ERICH3: variants seen among roughly 807,000 people sequenced by gnomAD.
ERICH3 encodes glutamate rich 3.
A neutral mutation model predicts 131.1 loss-of-function variants in ERICH3; 126 were observed. The ratio of observed to expected loss-of-function variants is 0.96; its 90% CI spans 0.83 to 1.11. ERICH3 has a LOEUF of 1.11. Among genes scored for constraint, ERICH3 ranks in the 50% most tolerant of loss-of-function variants. The pLI is 0.00. For synonymous variants in ERICH3, 695 were observed against 644.6 expected, an observed-to-expected ratio of 1.08 and a Z score of -1.18; for missense variants, 2,050 against 1,810.7, an observed-to-expected ratio of 1.13 and a Z score of -2.40.
intron 3 of ERICH3, among the ~76,000 whole-genome samples, chr1:74,646,258 A>G (rs1646482235): frequency 6.6e-6 from 1 of 152,126 alleles, no homozygotes; most frequent in Non-Finnish European, 1.5e-5. Context: ...CAATGGAATT[A>G]CTGATATTTA....
At chr1:74,609,476 C>T (rs1234717452) in intron 9 of ERICH3, among the ~76,000 whole-genome samples, 1 of 152,070 alleles carries the variant, frequency 6.6e-6, no homozygotes, top group South Asian at 2.1e-4. Flanking sequence ...GCCAAGGTTA[C>T]AGAAGGTAAT....
intron 2 of ERICH3, 93 bp downstream of exon 2, chr1:74,649,129 G>T: frequency 1.3e-6 from 1 of 797,200 alleles, no homozygotes; most frequent in Non-Finnish European, 2.0e-6. Context: ...GAGGGCAAGT[G>T]GAAGATGTCA....
At chr1:74,604,047 C>A (rs11210485) in intron 10 of ERICH3, among the ~76,000 whole-genome samples, 15,567 of 151,906 alleles carry the variant, frequency 0.1, 967 homozygotes, top group Non-Finnish European at 0.14. Flanking sequence ...TAAAATTGGG[C>A]TCAATCCTCT....
intron 1 of ERICH3, among the ~76,000 whole-genome samples, chr1:74,651,909 A>C (rs1371912995): frequency 6.6e-6 from 1 of 152,124 alleles, no homozygotes. Context: ...CCTGATTTTA[A>C]TTCTGCTCTC....
In ERICH3 at chr1:74,589,853, CT is replaced by C; in HGVS notation, c.1953del (p.Ala652GlnfsTer10). On this transcript the variant is annotated frameshift_variant, in exon 12 of 15. Coordinates refer to ENST00000326665, the MANE Select transcript of ERICH3 (RefSeq NM_001002912.5). LOFTEE classifies it high-confidence loss of function. ...EIEIEDQEIT[K>X]ADVETKPMPI... ...GGCATCGGCTTGGTCTCCACATCTG[CT>C]TTTGTTATTTCTTGGTCTTCAATTT... The C allele has an allele frequency of 1.2e-6, 2 of 1,614,066 alleles. No homozygotes were observed. Among genetic ancestry groups the C allele is most frequent in the South Asian group, 2.2e-5 (2 of 91,082 alleles).
rs200840954 is a variant in ERICH3 at position 74,573,195 on chromosome 1, C to T, written c.2515G>A (p.Ala839Thr). The change falls in exon 14 of 15, where the codon GCA becomes ACA. Residue 839 changes from alanine (A) to threonine (T), a missense_variant. Physicochemically the swap from Ala to Thr is moderately conservative, Grantham distance 58 (BLOSUM62 0). Transcript: ENST00000326665. ...CCTTCTGCTTCTGCTGCTCCCTCTGCCCCCCTTTCTATGCCTGGAGGGATC... is the reference window on the plus strand; with the variant it reads ...CCTTCTGCTTCTGCTGCTCCCTCTGTCCCCCTTTCTATGCCTGGAGGGATC... ...REIPPGIERG[A>T]EGAAEAEGVR... The T allele has an allele frequency of 1.2e-5, 19 of 1,612,706 alleles. No homozygotes were observed. Among genetic ancestry groups the T allele is most frequent in the South Asian group, 7.7e-5 (7 of 90,854 alleles).
chr1:74,580,541 A>G (rs1351847362), intron 12 of ERICH3, among the ~76,000 whole-genome samples: 1 of 152,224 alleles, frequency 6.6e-6, no homozygotes, highest in African/African-American at 2.4e-5. Flanking sequence ...GTCATCAATA[A>G]TGACTGAAAG....
intron 2 of ERICH3, among the ~76,000 whole-genome samples, chr1:74,647,828 T>C (rs1252567992): frequency 1.3e-5 from 2 of 152,144 alleles, no homozygotes. Flanking sequence ...ATTGATAATC[T>C]TTTTTTGTAA....
chr1:74,654,973 C>T (rs1350051725), intron 1 of ERICH3, among the ~76,000 whole-genome samples: 1 of 151,942 alleles, frequency 6.6e-6, no homozygotes, highest in Non-Finnish European at 1.5e-5. Flanking sequence ...AAATATAATC[C>T]ACCCAATTCT....
intron 10 of ERICH3, among the ~76,000 whole-genome samples, chr1:74,601,743 T>C (rs1321150306): frequency 1.3e-5 from 2 of 151,848 alleles, no homozygotes; most frequent in Non-Finnish European, 2.9e-5. Context: ...ATTCCATCCA[T>C]AGTGTTACAT....
At position 74,571,813 on chromosome 1, in the gene ERICH3, G is replaced by T; in HGVS notation, c.3897C>A (p.Asp1299Glu). The T allele has an allele frequency of 6.2e-7, 1 of 1,613,416 alleles. No homozygotes were observed. The highest frequency in any genetic ancestry group is 1.7e-5 in the Admixed American group (1 of 60,024). The part of the protein sequence containing the change: ...AVDEDPEEEE[D>E]KECTLETEAM... ...CTTCTGTCTCCAGAGTGCACTCTTTGTCCTCTTCCTCCTCTGGGTCCTCAT... is the reference window on the plus strand; with the variant it reads ...CTTCTGTCTCCAGAGTGCACTCTTTTTCCTCTTCCTCCTCTGGGTCCTCAT... Residue 1299 changes from aspartate (D) to glutamate (E), a missense_variant, in exon 14 of 15, where the codon GAC becomes GAA. Coordinates refer to ENST00000326665, the MANE Select transcript of ERICH3 (RefSeq NM_001002912.5).
At chr1:74,612,215 T>C (rs1448794123) in intron 9 of ERICH3, among the ~76,000 whole-genome samples, 1 of 152,158 alleles carries the variant, frequency 6.6e-6, no homozygotes, top group African/African-American at 2.4e-5. Flanking sequence ...TGTCCAGTCA[T>C]GTAAATCAGA....
rs564897886 is a variant in ERICH3, at chr1:74,604,630, T to G, written c.1489+1971A>C. On this transcript the variant is annotated intron_variant, in intron 10 of 14. Transcript: ENST00000326665. ...GAAAACAACATTATCGCACTGCACA[T>G]CTTCATCAAAGTTCTTGAGTGACCA... Among the ~76,000 whole-genome samples, 17 of 152,104 alleles carry G rather than the reference T, an allele frequency of 1.1e-4. No homozygotes were observed. The South Asian group carries it at 2.7e-3, about 24-fold the overall frequency.
intron 13 of ERICH3, among the ~76,000 whole-genome samples, chr1:74,574,792 A>C (rs530910903): frequency 6.6e-6 from 1 of 152,210 alleles, no homozygotes; most frequent in Non-Finnish European, 1.5e-5. Flanking sequence ...CAAGTAAAAT[A>C]AGTAAAGAAA....
intron 1 of ERICH3, among the ~76,000 whole-genome samples, chr1:74,670,315 G>A (rs181574302): frequency 5.5e-4 from 83 of 152,132 alleles, no homozygotes; most frequent in African/African-American, 1.8e-3. Context: ...GCACATCTCA[G>A]TTGTTGACCA....
Position 74,571,231 on chromosome 1 carries a change from C to G in ERICH3, c.4479G>C (p.Ala1493=), listed in dbSNP as rs780847773. 6 of 1,614,060 alleles carry G rather than the reference C, an allele frequency of 3.7e-6. No individual in the cohort carries two copies. Among genetic ancestry groups the G allele is most frequent in the East Asian group, 4.5e-5 (2 of 44,854 alleles). Residue 1493 remains alanine, a synonymous_variant, in exon 14 of 15, where the codon GCG becomes GCC. Coordinates refer to ENST00000326665, the MANE Select transcript of ERICH3 (RefSeq NM_001002912.5). ...CAGGCTTCACTGGAAGTGTTGCCAT[C>G]GCCTGTAGACTCTCCGGACTCAATT... ...ERELSPESLQ[A]MATLPVKPDF...
chr1:74,581,694 A>C (rs1301273149), intron 12 of ERICH3, among the ~76,000 whole-genome samples: 1 of 152,184 alleles, frequency 6.6e-6, no homozygotes, highest in East Asian at 1.9e-4. Context: ...AACCTTCTAA[A>C]TTATATTAAT....
Position 74,573,414 on chromosome 1 carries a change from T to C in ERICH3, c.2296A>G (p.Thr766Ala), listed in dbSNP as rs1289551130. 1 of 1,581,630 alleles carries C rather than the reference T, an allele frequency of 6.3e-7. No individual in the cohort carries two copies. The highest frequency in any genetic ancestry group is 8.6e-7 in the Non-Finnish European group (1 of 1,168,746). Residue 766 changes from threonine (T) to alanine (A), a missense_variant, in exon 14 of 15, where the codon ACG becomes GCG. Transcript: ENST00000326665. ...GCTTCTTTCTTCTCCAGTGTATACG[T>C]TTTTTGCACCAATTGCTGGGATTCC... ...NKESQQLVQK[T>A]YTLEKKEAME... is the part of the protein sequence containing the mutation.
Position 74,606,921 on chromosome 1 carries a change from G to A in ERICH3, c.1188-19C>T. ...AATGCACCTATGAAAAATATTAGCAGGAAGTGTTTGTTAACCCTTGTAGAC... is the reference window on the plus strand; with the variant it reads ...AATGCACCTATGAAAAATATTAGCAAGAAGTGTTTGTTAACCCTTGTAGAC... On this transcript the variant is annotated intron_variant, in intron 9 of 14. Transcript: ENST00000326665. 1.2e-6 allele frequency: 2 copies of A among 1,600,228 alleles called. No individual in the cohort carries two copies. The highest frequency in any genetic ancestry group is 1.7e-6 in the Non-Finnish European group (2 of 1,173,338).
Sources: gnomAD v4.1 joint callset for allele counts (sites outside exome capture counted in the v4.1 genomes callset) on GRCh38, gnomAD v4.1.1 for gene constraint, MANE v1.5 for transcripts, NCBI Gene and HGNC (gene_info 2026-07-23, HGNC 2026-07-21) for gene names.